BCKDHB: variants seen among roughly 807,000 people sequenced by gnomAD.
BCKDHB encodes branched chain keto acid dehydrogenase E1 subunit beta, also known as 2-oxoisovalerate dehydrogenase subunit beta, mitochondrial.
Under a neutral mutation model 48.5 loss-of-function variants are expected in BCKDHB, and 41 were observed. The ratio of observed to expected loss-of-function variants is 0.85; its 90% CI spans 0.66 to 1.10. The LOEUF (loss-of-function observed/expected upper bound fraction) is 1.10, where lower values mean the gene tolerates loss of function less well. BCKDHB is among the 50% of genes least tolerant of loss of function. BCKDHB has a pLI of 0.00. For missense variants in BCKDHB, 496 were observed against 494.2 expected (o/e 1.00, Z -0.03); for synonymous variants, 201 against 174.8 (o/e 1.15, Z -1.18).
At chr6:80,243,937 T>C (rs1043090577) in intron 8 of BCKDHB, among the ~76,000 whole-genome samples, 1 of 152,236 alleles carries the variant, frequency 6.6e-6, no homozygotes, top group Non-Finnish European at 1.5e-5. Flanking sequence ...TTTCAATAAA[T>C]AATTTATCTA....
intron 8 of BCKDHB, among the ~76,000 whole-genome samples, chr6:80,212,514 G>C (rs1774985470): frequency 6.6e-6 from 1 of 152,036 alleles, no homozygotes; most frequent in South Asian, 2.1e-4. Context: ...CTGTTATTCT[G>C]TTCCTTTTCA....
the BCKDHB span, among the ~76,000 whole-genome samples, chr6:80,375,167 T>C: frequency 1.4e-3 from 213 of 152,324 alleles, no homozygotes; most frequent in African/African-American, 4.5e-3. Flanking sequence ...CCAGGTGTTC[T>C]TTGAGCTTCT....
intron 3 of BCKDHB, among the ~76,000 whole-genome samples, chr6:80,151,257 A>G (rs1309718740): frequency 6.6e-6 from 1 of 152,176 alleles, no homozygotes; most frequent in African/African-American, 2.4e-5. Flanking sequence ...ACTATACACA[A>G]GTAATTAGAT....
chr6:80,461,110 A>G, the BCKDHB span, among the ~76,000 whole-genome samples: 4 of 152,160 alleles, frequency 2.6e-5, no homozygotes, highest in Non-Finnish European at 4.4e-5. Context: ...TTAAAAATCA[A>G]TTATATTCTG....
At chr6:80,160,203 C>T (rs1772244400) in intron 3 of BCKDHB, among the ~76,000 whole-genome samples, 1 of 152,100 alleles carries the variant, frequency 6.6e-6, no homozygotes, top group Admixed American at 6.6e-5. Flanking sequence ...GTCTCCCAGG[C>T]TGCAATGCAG....
chr6:80,129,881 A>G (rs991622483), intron 3 of BCKDHB, among the ~76,000 whole-genome samples: 4 of 152,220 alleles, frequency 2.6e-5, no homozygotes, highest in African/African-American at 9.6e-5. Flanking sequence ...TTAAACGCTA[A>G]TCACATCTAA....
chr6:80,207,502 T>C (rs543044143), intron 8 of BCKDHB, among the ~76,000 whole-genome samples: 1 of 151,820 alleles, frequency 6.6e-6, no homozygotes, highest in Non-Finnish European at 1.5e-5. Flanking sequence ...AGATAACAGA[T>C]GATAAGATGA....
At chr6:80,211,356 G>A (rs1297982415) in intron 8 of BCKDHB, among the ~76,000 whole-genome samples, 1 of 152,128 alleles carries the variant, frequency 6.6e-6, no homozygotes, top group Non-Finnish European at 1.5e-5. Context: ...AAATTCCAAA[G>A]CATATCCTGC....
the BCKDHB span, among the ~76,000 whole-genome samples, chr6:80,386,431 T>A: frequency 6.6e-6 from 1 of 151,650 alleles, no homozygotes; most frequent in African/African-American, 2.4e-5. Context: ...TGGGGCTGGA[T>A]GCCTTTATCC....
chr6:80,186,471 T>C (rs932858576), intron 6 of BCKDHB, among the ~76,000 whole-genome samples: 1 of 152,300 alleles, frequency 6.6e-6, no homozygotes, highest in East Asian at 1.9e-4. Flanking sequence ...GGATAGATCT[T>C]GCCCCAGACT....
chr6:80,168,849 G>GC (rs776216744), intron 4 of BCKDHB, 26 bp from the exon 5 acceptor site: 1 of 1,613,800 alleles, frequency 6.2e-7, no homozygotes. Context: ...ATTGTGCCAT[G>GC]CCCCGTCTTT....
At chr6:80,264,930 A>T (rs1336204928) in intron 8 of BCKDHB, among the ~76,000 whole-genome samples, 1 of 152,150 alleles carries the variant, frequency 6.6e-6, no homozygotes, top group African/African-American at 2.4e-5. Context: ...CAAGAAAGAT[A>T]TGCCAGTGGC....
chr6:80,148,293 A>G (rs1771584582), intron 3 of BCKDHB, among the ~76,000 whole-genome samples: 1 of 152,084 alleles, frequency 6.6e-6, no homozygotes, highest in Non-Finnish European at 1.5e-5. Flanking sequence ...GTCCATATCT[A>G]CTTTATTTCA....
At chr6:80,199,947 C>A (rs1322582271) in intron 6 of BCKDHB, among the ~76,000 whole-genome samples, 1 of 150,310 alleles carries the variant, frequency 6.7e-6, no homozygotes, top group Non-Finnish European at 1.5e-5. Flanking sequence ...GTGGTGTGCA[C>A]CTGTAATCCC....
Position 80,343,875 on chromosome 6 carries a change from CA to C in BCKDHB, c.*72del. On this transcript the variant is annotated 3_prime_UTR_variant, in exon 10 of 10. Transcript: ENST00000320393. ...GACATTAACGTACTGTTAACCAAGA[CA>C]CAGCAATCATCAGTGTTTTGATGGT... 1 of 1,552,518 alleles carries C rather than the reference CA, an allele frequency of 6.4e-7. No homozygotes were observed. The highest frequency in any genetic ancestry group is 8.9e-7 in the Non-Finnish European group (1 of 1,124,762).
chr6:80,200,597 A>G (rs549355047), intron 6 of BCKDHB, among the ~76,000 whole-genome samples: 1 of 152,334 alleles, frequency 6.6e-6, no homozygotes, highest in African/African-American at 2.4e-5. Context: ...AACATCTTAC[A>G]TACATGTAGG....
the BCKDHB span, among the ~76,000 whole-genome samples, chr6:80,432,487 G>A: frequency 6.6e-6 from 1 of 152,004 alleles, no homozygotes; most frequent in Admixed American, 6.6e-5. Context: ...ACTGATACTT[G>A]TGTATGCTTC....
intron 1 of BCKDHB, among the ~76,000 whole-genome samples, chr6:80,123,872 G>A (rs28847358): frequency 6.6e-6 from 1 of 151,908 alleles, no homozygotes; most frequent in Non-Finnish European, 1.5e-5. Context: ...TTTTTGAACG[G>A]TTTTTTTGTC....
At chr6:80,314,256 A>C (rs1175892658) in intron 9 of BCKDHB, among the ~76,000 whole-genome samples, 2 of 152,236 alleles carry the variant, frequency 1.3e-5, no homozygotes, top group Admixed American at 6.5e-5. Context: ...AGTTCTGTAG[A>C]TACCTATCAG....
Sources: allele counts gnomAD v4.1 joint callset (sites outside exome capture counted in the v4.1 genomes callset), GRCh38; gene constraint gnomAD v4.1.1; transcripts MANE v1.5; gene names NCBI Gene and HGNC (gene_info 2026-07-23, HGNC 2026-07-21).